The following SLC71A2 variants were observed in gnomAD, a reference collection of about 807,000 sequenced individuals.
SLC71A2 encodes solute carrier family 71 member 2.
chr9:94,456,205 C>G, the SLC71A2 span: 1 of 1,529,848 alleles, frequency 6.5e-7, no homozygotes. Flanking sequence ...TTGAGGTTGA[C>G]CTGCTGCCTG....
chr9:94,379,324 G>A, the SLC71A2 span, among the ~76,000 whole-genome samples: 47 of 147,164 alleles, frequency 3.2e-4, 1 homozygote, highest in East Asian at 3.2e-3. Flanking sequence ...GACCTCAGGC[G>A]ATCCACCTGC....
the SLC71A2 span, among the ~76,000 whole-genome samples, chr9:94,400,848 A>C: frequency 0.019 from 2,845 of 152,258 alleles, 73 homozygotes; most frequent in African/African-American, 0.065. Flanking sequence ...ACTACCTGAA[A>C]GTGTCCTGTG....
the SLC71A2 span, chr9:94,444,884 C>T: frequency 7.5e-7 from 1 of 1,334,668 alleles, no homozygotes; most frequent in Non-Finnish European, 1.1e-6. Flanking sequence ...GCACCTGCAG[C>T]AGGCAGACCT....
At chr9:94,460,436 A>G in the SLC71A2 span, 7 of 152,604 alleles carry the variant, frequency 4.6e-5, no homozygotes, top group Admixed American at 4.6e-4. Flanking sequence ...AATCTGTTTA[A>G]CTTTTGAATC....
At chr9:94,437,370 C>T in the SLC71A2 span, among the ~76,000 whole-genome samples, 26,649 of 144,746 alleles carry the variant, frequency 0.18, 3,176 homozygotes, top group African/African-American at 0.34. Flanking sequence ...TGCTGCTTAT[C>T]TGTAGCATTG....
chr9:94,379,112 GT>G, the SLC71A2 span, among the ~76,000 whole-genome samples: 1 of 82,522 alleles, frequency 1.2e-5, no homozygotes, highest in South Asian at 4.2e-4. Flanking sequence ...TTGAGACGGA[GT>G]TTCACTGTTG....
At chr9:94,445,655 T>TC in the SLC71A2 span, among the ~76,000 whole-genome samples, 1 of 152,124 alleles carries the variant, frequency 6.6e-6, no homozygotes, top group African/African-American at 2.4e-5. Flanking sequence ...TCCCTCCCTT[T>TC]CCTCTCCTTT....
chr9:94,406,125 T>C, the SLC71A2 span, among the ~76,000 whole-genome samples: 1 of 130,624 alleles, frequency 7.7e-6, no homozygotes, highest in South Asian at 2.5e-4. Flanking sequence ...TGGAGTGTAG[T>C]GGGGTGATCA....
chr9:94,439,308 A>AG, the SLC71A2 span, among the ~76,000 whole-genome samples: 1 of 106,768 alleles, frequency 9.4e-6, no homozygotes, highest in Non-Finnish European at 1.9e-5. Context: ...TGCGCAGCCC[A>AG]ATTTTTTTTT....
At chr9:94,414,914 T>C in the SLC71A2 span, among the ~76,000 whole-genome samples, 1 of 152,128 alleles carries the variant, frequency 6.6e-6, no homozygotes, top group Admixed American at 6.5e-5. Context: ...CGCCTTGGCC[T>C]CCCAAAGTGC....
chr9:94,455,287 G>T, the SLC71A2 span, among the ~76,000 whole-genome samples: 1 of 145,714 alleles, frequency 6.9e-6, no homozygotes, highest in Admixed American at 7.1e-5. Context: ...TCCCATCTCA[G>T]CTTCCTGAGT....
At chr9:94,416,364 TA>T in the SLC71A2 span, among the ~76,000 whole-genome samples, 7 of 150,144 alleles carry the variant, frequency 4.7e-5, no homozygotes, top group South Asian at 2.1e-4. Flanking sequence ...AAACAAAAAT[TA>T]AAAAAAAAAT....
the SLC71A2 span, chr9:94,458,422 T>C: frequency 2.5e-6 from 4 of 1,614,022 alleles, no homozygotes; most frequent in African/African-American, 4.0e-5. Context: ...TGGAACTGAC[T>C]GAGTTGGGCC....
chr9:94,451,912 C>T, the SLC71A2 span, among the ~76,000 whole-genome samples: 6 of 152,260 alleles, frequency 3.9e-5, no homozygotes, highest in East Asian at 1.9e-4. Context: ...GCCCTGGCCC[C>T]GATGCCACTG....
chr9:94,425,259 G>A, the SLC71A2 span, among the ~76,000 whole-genome samples: 3 of 152,090 alleles, frequency 2.0e-5, no homozygotes, highest in Non-Finnish European at 4.4e-5. Flanking sequence ...AGCCGAGATC[G>A]TGCCACTGCA....
At chr9:94,435,044 T>C in the SLC71A2 span, among the ~76,000 whole-genome samples, 1 of 152,218 alleles carries the variant, frequency 6.6e-6, no homozygotes, top group African/African-American at 2.4e-5. Flanking sequence ...TGCCTTTCAC[T>C]GTCACCCCTG....
the SLC71A2 span, among the ~76,000 whole-genome samples, chr9:94,394,367 T>TC: frequency 4.2e-5 from 4 of 94,262 alleles, no homozygotes; most frequent in Admixed American, 2.3e-4. Flanking sequence ...TGCAAAGTCT[T>TC]CAAGTATATA....
At chr9:94,401,264 G>A in the SLC71A2 span, among the ~76,000 whole-genome samples, 3 of 152,034 alleles carry the variant, frequency 2.0e-5, no homozygotes, top group Non-Finnish European at 4.4e-5. Context: ...TCCGCCTTCC[G>A]ATTTCAAGCA....
the SLC71A2 span, among the ~76,000 whole-genome samples, chr9:94,435,468 T>C: frequency 6.6e-6 from 1 of 152,202 alleles, no homozygotes; most frequent in Non-Finnish European, 1.5e-5. Context: ...AAATTTTCCC[T>C]CTAAATTATT....
Sources: gnomAD v4.1 joint callset for allele counts (sites outside exome capture counted in the v4.1 genomes callset) on GRCh38, gnomAD v4.1.1 for gene constraint, MANE v1.5 for transcripts, NCBI Gene and HGNC (gene_info 2026-07-23, HGNC 2026-07-21) for gene names.